The following SYMPK variants were observed in gnomAD, a reference collection of about 807,000 sequenced individuals.
SYMPK encodes the protein symplekin scaffold protein.
In SYMPK, 49 loss-of-function variants were observed where a neutral mutation model predicts 136.4. The observed-to-expected ratio is 0.36, with a 90% CI of 0.29 to 0.46. SYMPK has a LOEUF of 0.46. SYMPK is among the 20% of genes least tolerant of loss of function. The pLI is 1.00. For missense variants in SYMPK, 1,365 were observed against 1,690.0 expected, an observed-to-expected ratio of 0.81 and a Z score of 3.37; for synonymous variants, 766 against 713.0, an observed-to-expected ratio of 1.07 and a Z score of -1.19.
At chr19:45,838,751 T>G in intron 9 of SYMPK, 136 bp from the exon 10 acceptor site, 1 of 992,632 alleles carries the variant, frequency 1.0e-6, no homozygotes, top group Non-Finnish European at 1.4e-6. Context: ...AGATCCAGGC[T>G]GCAGCTCTGC....
chr19:45,825,165 C>T lies in SYMPK; in HGVS notation c.2490+6G>A. 6.2e-7 allele frequency: 1 copy of T among 1,611,108 alleles called. No homozygotes were observed. ...GGGCAGGGCCTGGTGGGCTCAGGGGCCTCACCGGCTGCTCAATGACCCTCA... is the reference window on the plus strand; with the variant it reads ...GGGCAGGGCCTGGTGGGCTCAGGGGTCTCACCGGCTGCTCAATGACCCTCA... On this transcript the variant is annotated splice_donor_region_variant and intron_variant, in intron 18 of 26. Coordinates refer to ENST00000245934, the MANE Select transcript of SYMPK (RefSeq NM_004819.3).
In SYMPK at chr19:45,844,198, C is replaced by T. The variant is rs759001948; in HGVS notation, c.679G>A (p.Val227Met). 4.0e-5 allele frequency: 64 copies of T among 1,584,614 alleles called. No individual in the cohort carries two copies. Among genetic ancestry groups the T allele is most frequent in the African/African-American group, 5.4e-5 (4 of 73,816 alleles). Residue 227 changes from valine to methionine, a missense_variant and splice_region_variant, in exon 8 of 27, where the codon GTG becomes ATG. Transcript: ENST00000245934. ...PRDHPYIQYN[V>M]LWEEGKAALE... ...GCTGCCTTGCCCTCTTCCCATAGCA[C>T]GTCTAAGAGACAGAGAGGAGAACCA...
intron 9 of SYMPK, 90 bp from the exon 10 acceptor site, chr19:45,838,705 A>G (rs982554071): frequency 1.0e-5 from 14 of 1,398,806 alleles, no homozygotes; most frequent in Non-Finnish European, 1.2e-5. Flanking sequence ...CCCTGCCTCT[A>G]GTCAGCCTCA....
intron 1 of SYMPK, chr19:45,854,796 G>T: frequency 4.7e-6 from 2 of 423,834 alleles, no homozygotes; most frequent in Non-Finnish European, 8.8e-6. Flanking sequence ...CCACATGAAC[G>T]TGCAACAGCC....
chr19:45,846,184 C>T (rs1004991038), intron 7 of SYMPK, among the ~76,000 whole-genome samples: 3 of 152,108 alleles, frequency 2.0e-5, no homozygotes, highest in African/African-American at 4.8e-5. Context: ...TGCAGTGAGC[C>T]GAGATAGCGC....
chr19:45,853,212 TTC>T (rs2146342779), intron 3 of SYMPK, among the ~76,000 whole-genome samples: 1 of 152,142 alleles, frequency 6.6e-6, no homozygotes, highest in Admixed American at 6.5e-5. Flanking sequence ...GCCGAACGGG[TTC>T]TCACACAGGA....
chr19:45,838,756 C>T, intron 9 of SYMPK, 141 bp from the exon 10 acceptor site: 1 of 957,230 alleles, frequency 1.0e-6, no homozygotes. Context: ...CAGGCTGCAG[C>T]TCTGCCTCTG....
chr19:45,818,925 G>A (rs1970818016), intron 22 of SYMPK: 1 of 151,796 alleles, frequency 6.6e-6, no homozygotes, highest in Admixed American at 6.6e-5. Context: ...CAACCAGGAA[G>A]TCTTTATTGA....
chr19:45,824,372 G>A (rs983289076), intron 18 of SYMPK, among the ~76,000 whole-genome samples: 6 of 152,086 alleles, frequency 3.9e-5, no homozygotes, highest in Non-Finnish European at 7.4e-5. Flanking sequence ...GACTAAAACC[G>A]ACTGTCTCTG....
At chr19:45,816,420 G>C (rs1970738698) in intron 25 of SYMPK, 62 bp downstream of exon 25, 1 of 1,553,646 alleles carries the variant, frequency 6.4e-7, no homozygotes, top group Middle Eastern at 2.0e-4. Flanking sequence ...GGTGAGCCTT[G>C]CTGGCTTGGG....
In SYMPK at chr19:45,815,770, C is replaced by A; in HGVS notation, c.3688-73G>T. The A allele has an allele frequency of 2.5e-6, 4 of 1,585,910 alleles. No individual in the cohort carries two copies. In the South Asian group the frequency reaches 4.5e-5, roughly 18 times the overall value. ...CTCCACGCTCCCCTTCAGGCCCTGCCCCCTGATGGCCCCTCCTCCCCCACC... is the reference window on the plus strand; with the variant it reads ...CTCCACGCTCCCCTTCAGGCCCTGCACCCTGATGGCCCCTCCTCCCCCACC... On this transcript the variant is annotated intron_variant, in intron 26 of 26. Transcript: ENST00000245934.
intron 16 of SYMPK, 61 bp from the exon 17 acceptor site, chr19:45,826,434 C>G (rs956889984): frequency 6.4e-7 from 1 of 1,570,376 alleles, no homozygotes; most frequent in African/African-American, 1.4e-5. Context: ...AACAGCTATT[C>G]CTGCGAGCAT....
intron 1 of SYMPK, among the ~76,000 whole-genome samples, chr19:45,857,327 A>G (rs542900340): frequency 2.7e-4 from 37 of 139,254 alleles, no homozygotes; most frequent in Non-Finnish European, 4.8e-4. Context: ...GGAGAATGGC[A>G]TGAACCCGGG....
chr19:45,823,930 A>C, intron 18 of SYMPK, 55 bp from the exon 19 acceptor site: 2 of 1,429,652 alleles, frequency 1.4e-6, no homozygotes, highest in Non-Finnish European at 1.9e-6. Context: ...GGGGAGGGTC[A>C]GGTGTTGCCC....
In SYMPK at chr19:45,829,170, C is replaced by T; in HGVS notation, c.1785G>A (p.Gln595=). The stretch of plus-strand genomic sequence containing the variant: ...CCTCCGCCTTCAGGCCCGAGTTGAA[C>T]TGTGTCACCAGGCTGGCCAGGATCT... The part of the protein sequence containing the change: ...RIKILASLVT[Q]FNSGLKAEVL... The change falls in exon 14 of 27, where the codon CAG becomes CAA. Residue 595 remains glutamine (Q), a synonymous_variant. Transcript: ENST00000245934. 1.2e-6 allele frequency: 2 copies of T among 1,614,078 alleles called. No individual in the cohort carries two copies. Among genetic ancestry groups the T allele is most frequent in the African/African-American group, 1.3e-5 (1 of 75,030 alleles).
chr19:45,816,023 G>A lies in SYMPK; in HGVS notation c.3515C>T (p.Pro1172Leu), dbSNP rs201374282. ...GGVGAPSSSS[P>L]SPSPSARPGP... is the part of the protein sequence containing the mutation. ...TGGCCGGGCCGACGGAGAGGGAGAG[G>A]GGGAGGAAGAGGAGGGGGCTCCCAC... Residue 1172 changes from proline to leucine, a missense_variant, in exon 26 of 27, where the codon CCC becomes CTC. By Grantham distance (98) the Pro-to-Leu change is moderately conservative. Transcript: ENST00000245934. 2 of 1,592,120 alleles carry A rather than the reference G, an allele frequency of 1.3e-6. No individual in the cohort carries two copies. The highest frequency in any genetic ancestry group is 2.3e-5 in the East Asian group (1 of 44,128).
At position 45,825,269 on chromosome 19, in the gene SYMPK, G is replaced by C. The variant is rs771470795; in HGVS notation, c.2392C>G (p.Leu798Val). The C allele has an allele frequency of 6.2e-7, 1 of 1,614,210 alleles. No homozygotes were observed. The highest frequency in any genetic ancestry group is 1.7e-5 in the Admixed American group (1 of 60,026). The change falls in exon 18 of 27, where the codon CTG becomes GTG. Residue 798 changes from leucine to valine, a missense_variant. This residue lies in a region of SYMPK where 92 missense variants were observed against 198.6 expected (regional missense o/e 0.46). Transcript: ENST00000245934. ...KQCLYLYLAL[L>V]PQNHKLIHEL... ...TGGATCAGCTTGTGGTTCTGAGGCA[G>C]GAGGGCCAGGTAGAGGTACAGACAC...
intron 23 of SYMPK, 120 bp from the exon 24 acceptor site, chr19:45,817,094 G>T: frequency 1.8e-6 from 2 of 1,085,244 alleles, no homozygotes; most frequent in African/African-American, 1.7e-5. Context: ...GATTCCTCTG[G>T]ATGGGCAACA....
intron 8 of SYMPK, among the ~76,000 whole-genome samples, chr19:45,843,807 T>C (rs1971498701): frequency 6.6e-6 from 1 of 151,508 alleles, no homozygotes; most frequent in African/African-American, 2.4e-5. Flanking sequence ...TAGCTGGGTG[T>C]GGTGGTGTGT....
Sources: allele counts gnomAD v4.1 joint callset (sites outside exome capture counted in the v4.1 genomes callset), GRCh38; gene constraint gnomAD v4.1.1; regional missense constraint gnomAD v4.1.1; transcripts MANE v1.5; gene names NCBI Gene and HGNC (gene_info 2026-07-23, HGNC 2026-07-21).